Variants in RALYL observed in about 807,000 individuals in gnomAD.
RALYL encodes the protein RNA-binding Raly-like protein.
In RALYL, 29 loss-of-function variants were observed where a neutral mutation model predicts 35.1. The ratio of observed to expected loss-of-function variants is 0.83; its 90% CI spans 0.61 to 1.13. The LOEUF is 1.13. Among genes scored for constraint, RALYL ranks in the 50% most tolerant of loss-of-function variants. RALYL has a pLI of 0.00. For missense variants in RALYL, 359 were observed against 360.4 expected (o/e 1.00, Z 0.03); for synonymous variants, 120 against 127.6 (o/e 0.94, Z 0.40).
At chr8:84,764,506 A>G (rs1284056757) in intron 2 of RALYL, among the ~76,000 whole-genome samples, 1 of 152,176 alleles carries the variant, frequency 6.6e-6, no homozygotes, top group African/African-American at 2.4e-5. Context: ...GTCTAAATCT[A>G]AATAAGTCAC....
chr8:84,840,745 C>T (rs1833083122), intron 4 of RALYL, among the ~76,000 whole-genome samples: 1 of 152,174 alleles, frequency 6.6e-6, no homozygotes, highest in African/African-American at 2.4e-5. Flanking sequence ...CAAAGGGAAG[C>T]CCATCAGACT....
intron 2 of RALYL, among the ~76,000 whole-genome samples, chr8:84,637,355 T>C (rs1389350485): frequency 6.6e-6 from 1 of 151,794 alleles, no homozygotes; most frequent in Non-Finnish European, 1.5e-5. Context: ...GTAGTAGTAG[T>C]AGTAATAGTA....
intron 1 of RALYL, among the ~76,000 whole-genome samples, chr8:84,328,767 C>A (rs1456582080): frequency 6.6e-6 from 1 of 152,114 alleles, no homozygotes; most frequent in African/African-American, 2.4e-5. Flanking sequence ...TCTCCCTCCC[C>A]ACTCTGGGAG....
chr8:84,598,072 T>C (rs768454455), intron 2 of RALYL, among the ~76,000 whole-genome samples: 28 of 152,174 alleles, frequency 1.8e-4, no homozygotes, highest in Admixed American at 1.3e-3. Flanking sequence ...TTGTTTATAC[T>C]GTTGCCTTGC....
chr8:84,425,783 C>CTATGTGTGTGTGTGTGTG (rs372367035), intron 1 of RALYL, among the ~76,000 whole-genome samples: 4 of 144,508 alleles, frequency 2.8e-5, no homozygotes, highest in African/African-American at 7.7e-5. Flanking sequence ...AGTTTTTCTT[C>CTATGTGTGTGTGTGTGTG]TGTGTGTGTG....
intron 2 of RALYL, among the ~76,000 whole-genome samples, chr8:84,705,705 A>C (rs1445017777): frequency 6.6e-6 from 1 of 152,176 alleles, no homozygotes; most frequent in East Asian, 1.9e-4. Context: ...AAATATATGA[A>C]TCTATTCTTA....
At chr8:84,402,971 G>A (rs1331943654) in intron 1 of RALYL, among the ~76,000 whole-genome samples, 1 of 152,106 alleles carries the variant, frequency 6.6e-6, no homozygotes, top group Non-Finnish European at 1.5e-5. Context: ...TTTGAGAAGT[G>A]TCTGTTGATA....
intron 5 of RALYL, among the ~76,000 whole-genome samples, chr8:84,860,888 G>C (rs1837968719): frequency 6.6e-6 from 1 of 152,052 alleles, no homozygotes; most frequent in Non-Finnish European, 1.5e-5. Context: ...AGTGCTTTTT[G>C]CGCTTCCCTC....
chr8:84,435,002 T>C (rs763436756), intron 1 of RALYL, among the ~76,000 whole-genome samples: 1 of 152,148 alleles, frequency 6.6e-6, no homozygotes, highest in Non-Finnish European at 1.5e-5. Context: ...ACATGACCAT[T>C]TCAAGAATAT....
intron 1 of RALYL, among the ~76,000 whole-genome samples, chr8:84,486,599 A>T (rs980645984): frequency 6.6e-6 from 1 of 151,942 alleles, no homozygotes; most frequent in South Asian, 2.1e-4. Flanking sequence ...AGTTTCTTTC[A>T]TATCAAATAA....
intron 1 of RALYL, among the ~76,000 whole-genome samples, chr8:84,190,724 T>C (rs1163512072): frequency 6.6e-6 from 1 of 152,230 alleles, no homozygotes; most frequent in Non-Finnish European, 1.5e-5. Context: ...CATTAACTTC[T>C]GGATTAAATG....
Position 84,920,934 on chromosome 8 carries a change from C to A in RALYL, c.*23C>A. Reference sequence around the variant, plus strand: ...TGATCTGAAATAACGCATGATGCCACAAAGCAGAAAAGAGAAACTGTGACA... The same window carrying A: ...TGATCTGAAATAACGCATGATGCCAAAAAGCAGAAAAGAGAAACTGTGACA... On this transcript the variant is annotated 3_prime_UTR_variant, in exon 9 of 9. Coordinates refer to ENST00000521268, the MANE Select transcript of RALYL (RefSeq NM_173848.7). 8.5e-6 allele frequency: 12 copies of A among 1,412,784 alleles called. No individual in the cohort carries two copies. Among genetic ancestry groups the A allele is most frequent in the Non-Finnish European group, 1.0e-5 (11 of 1,058,258 alleles). 87.5% of individuals were successfully genotyped at this position (1,412,784 alleles called of 1,614,324 possible). A position where few individuals can be genotyped will look rare whatever the true frequency, so the allele number is the denominator to read the frequency against.
At chr8:84,256,143 T>G (rs1210844495) in intron 1 of RALYL, among the ~76,000 whole-genome samples, 1 of 152,152 alleles carries the variant, frequency 6.6e-6, no homozygotes, top group Non-Finnish European at 1.5e-5. Flanking sequence ...ATGTGCTGGC[T>G]TGTTTGCCAA....
At chr8:84,184,752 G>A (rs1449232870) in intron 1 of RALYL, 5 of 417,332 alleles carry the variant, frequency 1.2e-5, no homozygotes, top group Admixed American at 4.2e-5. Context: ...GGCGGCCGGC[G>A]GGCCCTGTAA....
intron 1 of RALYL, among the ~76,000 whole-genome samples, chr8:84,521,420 G>A (rs191613614): frequency 2.0e-5 from 3 of 152,272 alleles, no homozygotes; most frequent in Admixed American, 2.0e-4. Context: ...ATAGAAAGGA[G>A]TTCCATTGGT....
intron 1 of RALYL, among the ~76,000 whole-genome samples, chr8:84,220,147 G>T (rs1478495800): frequency 1.3e-5 from 2 of 151,934 alleles, no homozygotes; most frequent in Admixed American, 6.6e-5. Context: ...TGGTAATATA[G>T]TGCTCACTCC....
intron 7 of RALYL, among the ~76,000 whole-genome samples, chr8:84,876,782 G>A (rs1264707702): frequency 4.6e-5 from 7 of 152,154 alleles, no homozygotes; most frequent in South Asian, 2.1e-4. Context: ...TTAGACTTAC[G>A]TCTTAGAGAG....
intron 2 of RALYL, among the ~76,000 whole-genome samples, chr8:84,542,259 T>A (rs550213981): frequency 1.3e-5 from 2 of 152,302 alleles, no homozygotes; most frequent in Admixed American, 6.5e-5. Flanking sequence ...GTACCTGGAT[T>A]GTTTTGAAGT....
At chr8:84,378,325 A>C (rs1470100419) in intron 1 of RALYL, among the ~76,000 whole-genome samples, 1 of 151,878 alleles carries the variant, frequency 6.6e-6, no homozygotes, top group African/African-American at 2.4e-5. Flanking sequence ...TAATCTTTTC[A>C]ATATATATAG....
Sources: gnomAD v4.1 joint callset for allele counts (sites outside exome capture counted in the v4.1 genomes callset) on GRCh38, gnomAD v4.1.1 for gene constraint, MANE v1.5 for transcripts, NCBI Gene and HGNC (gene_info 2026-07-23, HGNC 2026-07-21) for gene names.